KLHL7: variants seen among roughly 807,000 people sequenced by gnomAD.
The protein encoded by KLHL7 is kelch like family member 7.
KLHL7 carries 44 observed loss-of-function variants against 67.4 expected under a neutral mutation model. The observed-to-expected ratio is 0.65, with a 90% CI of 0.51 to 0.84. The LOEUF is 0.84. KLHL7 is among the 40% of genes least tolerant of loss of function. The pLI is 0.00. For synonymous variants in KLHL7, 252 were observed against 243.3 expected (o/e 1.04, Z -0.33); for missense variants, 362 against 718.1 (o/e 0.50, Z 5.67).
chr7:23,140,987 T>C, intron 5 of KLHL7, 43 bp downstream of exon 5: 1 of 1,516,416 alleles, frequency 6.6e-7, no homozygotes, highest in African/African-American at 1.4e-5. Context: ...TAAAAATGTC[T>C]TTATTGGTTT....
intron 1 of KLHL7, among the ~76,000 whole-genome samples, chr7:23,111,112 A>G (rs1293257296): frequency 6.6e-6 from 1 of 152,182 alleles, no homozygotes; most frequent in Admixed American, 6.5e-5. Flanking sequence ...GGTAGGTATT[A>G]CACAGGAGAA....
chr7:23,119,169 A>C (rs2128458725), intron 1 of KLHL7, among the ~76,000 whole-genome samples: 1 of 152,240 alleles, frequency 6.6e-6, no homozygotes, highest in East Asian at 1.9e-4. Flanking sequence ...AACATATTGC[A>C]TTAGTGTGGT....
intron 1 of KLHL7, among the ~76,000 whole-genome samples, chr7:23,114,198 G>A (rs1167036586): frequency 6.6e-6 from 1 of 152,134 alleles, no homozygotes; most frequent in East Asian, 1.9e-4. Flanking sequence ...GTGTTATGAT[G>A]GACTCCATAA....
intron 6 of KLHL7, among the ~76,000 whole-genome samples, chr7:23,147,757 G>A (rs1784404743): frequency 2.0e-5 from 3 of 152,096 alleles, no homozygotes; most frequent in Admixed American, 6.5e-5. Flanking sequence ...AGTTTTCTTT[G>A]GCTTATGGTT....
At chr7:23,119,815 T>C (rs1016983829) in intron 1 of KLHL7, among the ~76,000 whole-genome samples, 2 of 152,116 alleles carry the variant, frequency 1.3e-5, no homozygotes, top group Non-Finnish European at 2.9e-5. Context: ...GGCTTATTTC[T>C]CATACAAGAT....
intron 4 of KLHL7, among the ~76,000 whole-genome samples, chr7:23,139,205 A>G (rs972924849): frequency 3.3e-5 from 5 of 152,148 alleles, no homozygotes; most frequent in Non-Finnish European, 7.3e-5. Context: ...CAGTTTTGCT[A>G]TAAACCTAAA....
rs574218080 is a variant in KLHL7, at chr7:23,169,967, T to G, written c.1379+1930T>G. Among the ~76,000 whole-genome samples the G allele has an allele frequency of 2.5e-3, 386 of 152,316 alleles. 1 individual carries two copies. Among genetic ancestry groups the G allele is most frequent in the African/African-American group, 8.7e-3 (363 of 41,558 alleles). ...GTTCATACCTGTAATCCCAGCACTT[T>G]GGGAGGCCGAGGCTGGTGGATCGTC... On this transcript the variant is annotated intron_variant, in intron 9 of 10. Coordinates refer to ENST00000339077, the MANE Select transcript of KLHL7 (RefSeq NM_001031710.3).
Position 23,175,953 on chromosome 7 carries a change from T to TG in KLHL7, c.*1655_*1656insG, listed in dbSNP as rs1487347587. 1.7e-5 allele frequency: 1 copy of TG among 60,500 alleles called. No individual in the cohort carries two copies. The highest frequency in any genetic ancestry group is 7.1e-5 in the African/African-American group (1 of 14,156). 3.7% of individuals were successfully genotyped at this position (60,500 alleles called of 1,614,324 possible). A position where few individuals can be genotyped will look rare whatever the true frequency, so the allele number is the denominator to read the frequency against. On this transcript the variant is annotated 3_prime_UTR_variant, in exon 11 of 11. Transcript: ENST00000339077. ...CCCAGCCTGGGCAACAGAGCAAGAC[T>TG]AAAAAAAAAAAAAAAAAAAAAAAAA...
Position 23,175,899 on chromosome 7 carries a change from T to G in KLHL7, c.*1601T>G. 1 of 141,540 alleles carries G rather than the reference T, an allele frequency of 7.1e-6. No homozygotes were observed. The highest frequency in any genetic ancestry group is 1.5e-5 in the Non-Finnish European group (1 of 67,682). The allele number at this position is 141,540 out of a possible 1,614,324, so 8.8% of individuals were successfully genotyped here. On this transcript the variant is annotated 3_prime_UTR_variant, in exon 11 of 11. Coordinates refer to ENST00000339077, the MANE Select transcript of KLHL7 (RefSeq NM_001031710.3). ...TTGCTTGAACCTGACAGGCAGAGGT[T>G]GCAGTGAGCTGAGATCAAGCCACTG... is the stretch of plus-strand genomic sequence containing the variant.
chr7:23,117,070 T>C (rs1331143565), intron 1 of KLHL7, among the ~76,000 whole-genome samples: 1 of 143,986 alleles, frequency 6.9e-6, no homozygotes, highest in African/African-American at 2.6e-5. Flanking sequence ...AAAATTTTCC[T>C]AGAGCCAGGC....
intron 9 of KLHL7, among the ~76,000 whole-genome samples, chr7:23,168,961 T>TA (rs1785078130): frequency 6.6e-6 from 1 of 152,174 alleles, no homozygotes; most frequent in African/African-American, 2.4e-5. Context: ...CTGCTTTTTT[T>TA]AAAATTAAGA....
In KLHL7 at chr7:23,105,954, C is replaced by T. The variant is rs975045003; in HGVS notation, c.-73C>T. On this transcript the variant is annotated 5_prime_UTR_variant, in exon 1 of 11. Transcript: ENST00000339077. Reference sequence around the variant, plus strand: ...GATCGCCGTGTTTGGTCGATAGAATCCCCAGTGTGCCCAGAGAGTGCGACC... The same window carrying T: ...GATCGCCGTGTTTGGTCGATAGAATTCCCAGTGTGCCCAGAGAGTGCGACC... 7 of 1,568,352 alleles carry T rather than the reference C, an allele frequency of 4.5e-6. No homozygotes were observed. The highest frequency in any genetic ancestry group is 6.0e-6 in the Non-Finnish European group (7 of 1,161,474).
chr7:23,146,970 G>A (rs1784377694), intron 6 of KLHL7, among the ~76,000 whole-genome samples: 1 of 151,554 alleles, frequency 6.6e-6, no homozygotes, highest in Admixed American at 6.6e-5. Flanking sequence ...ATGTGTCTCT[G>A]GAGAATTTGT....
At chr7:23,106,195 C>T (rs1172745037) in intron 1 of KLHL7, 49 bp downstream of exon 1, 1 of 1,594,488 alleles carries the variant, frequency 6.3e-7, no homozygotes, top group Non-Finnish European at 8.5e-7. Context: ...TGGTCCGGGG[C>T]TCGGGCCCCT....
In KLHL7 at chr7:23,152,320, A is replaced by G. The variant is rs964258243; in HGVS notation, c.936+111A>G. 17 of 989,942 alleles carry G rather than the reference A, an allele frequency of 1.7e-5. No homozygotes were observed. In the Admixed American group the frequency reaches 3.2e-4, roughly 18 times the overall value. The allele number at this position is 989,942 out of a possible 1,614,324, so 61.3% of individuals were successfully genotyped here. ...CTCATACCTTTAGAGATGATAGTTT[A>G]TGGTGTTCTTTCACATATGTTATGA... On this transcript the variant is annotated intron_variant, in intron 7 of 10. Coordinates refer to ENST00000339077, the MANE Select transcript of KLHL7 (RefSeq NM_001031710.3).
chr7:23,109,700 T>C (rs1782785901), intron 1 of KLHL7, among the ~76,000 whole-genome samples: 1 of 152,240 alleles, frequency 6.6e-6, no homozygotes, highest in Non-Finnish European at 1.5e-5. Context: ...TAGGTTCTCT[T>C]GTGAATAATC....
At chr7:23,118,865 A>T (rs570219870) in intron 1 of KLHL7, among the ~76,000 whole-genome samples, 9 of 152,114 alleles carry the variant, frequency 5.9e-5, no homozygotes, top group Non-Finnish European at 1.0e-4. Flanking sequence ...TTAATGCAGG[A>T]GTTGGAGACC....
At chr7:23,161,261 A>G (rs1233314876) in intron 7 of KLHL7, among the ~76,000 whole-genome samples, 1 of 152,216 alleles carries the variant, frequency 6.6e-6, no homozygotes, top group Non-Finnish European at 1.5e-5. Context: ...GATCATGCCT[A>G]CATGCTATTT....
At chr7:23,165,550 A>G in intron 7 of KLHL7, 148 bp from the exon 8 acceptor site, 1 of 950,278 alleles carries the variant, frequency 1.1e-6, no homozygotes, top group Non-Finnish European at 1.6e-6. Context: ...ACACAAGATT[A>G]AATTGGTAAT....
Sources: gnomAD v4.1 joint callset for allele counts (sites outside exome capture counted in the v4.1 genomes callset) on GRCh38, gnomAD v4.1.1 for gene constraint, MANE v1.5 for transcripts, NCBI Gene and HGNC (gene_info 2026-07-23, HGNC 2026-07-21) for gene names.